EHMT1: variants seen among roughly 807,000 people sequenced by gnomAD.
The protein encoded by EHMT1 is histone-lysine N-methyltransferase EHMT1.
EHMT1 carries 15 observed loss-of-function variants against 147.2 expected under a neutral mutation model. The ratio of observed to expected loss-of-function variants is 0.10; its 90% confidence interval spans 0.07 to 0.16. The LOEUF (loss-of-function observed/expected upper bound fraction) is 0.16, where lower values mean the gene tolerates loss of function less well. Among genes scored for constraint, EHMT1 ranks in the 10% least tolerant of loss-of-function variants. EHMT1 has a pLI of 1.00. For missense variants in EHMT1, 1,587 were observed against 1,772.4 expected, an observed-to-expected ratio of 0.90 and a Z score of 1.88; for synonymous variants, 795 against 709.6, an observed-to-expected ratio of 1.12 and a Z score of -1.91.
intron 2 of EHMT1, among the ~76,000 whole-genome samples, chr9:137,711,590 G>A (rs999752636): frequency 1.3e-5 from 2 of 152,218 alleles, no homozygotes; most frequent in African/African-American, 2.4e-5. Context: ...GAGGTGGAGG[G>A]AGTGGTGTGG....
chr9:137,814,078 C>T (rs1421179151), intron 21 of EHMT1, among the ~76,000 whole-genome samples: 1 of 131,074 alleles, frequency 7.6e-6, no homozygotes, highest in African/African-American at 3.0e-5. Flanking sequence ...CCCCGCCCCC[C>T]GCCCCACAAG....
chr9:137,641,671 TCTGTTC>T (rs1336491269), intron 1 of EHMT1: 1 of 206,632 alleles, frequency 4.8e-6, no homozygotes, highest in Non-Finnish European at 9.7e-6. Flanking sequence ...TGCCGCTTGT[TCTGTTC>T]CTCTCTTCCT....
chr9:137,620,209 A>G (rs1404185169), intron 1 of EHMT1: 1 of 152,208 alleles, frequency 6.6e-6, no homozygotes, highest in African/African-American at 2.4e-5. Context: ...AGGAATTAAT[A>G]TTAGTCACTG....
chr9:137,780,348 T>C (rs1428044465), intron 14 of EHMT1, among the ~76,000 whole-genome samples: 1 of 120,558 alleles, frequency 8.3e-6, no homozygotes, highest in Admixed American at 8.4e-5. Context: ...GTGATGACGC[T>C]GAGACGTGTG....
chr9:137,637,122 C>T (rs1329218972), intron 1 of EHMT1, among the ~76,000 whole-genome samples: 1 of 151,938 alleles, frequency 6.6e-6, no homozygotes, highest in African/African-American at 2.4e-5. Context: ...TGGTCTCGAT[C>T]TCCTGACCTC....
chr9:137,753,383 C>T (rs912968244), intron 7 of EHMT1, among the ~76,000 whole-genome samples: 2 of 152,144 alleles, frequency 1.3e-5, no homozygotes, highest in African/African-American at 4.8e-5. Context: ...TTGGGTGTGG[C>T]GCTTGCTGAA....
chr9:137,788,678 C>T (rs1952216695), intron 15 of EHMT1: 1 of 152,232 alleles, frequency 6.6e-6, no homozygotes, highest in Non-Finnish European at 1.5e-5. Flanking sequence ...GCGGGAGTCG[C>T]TGCGGGCCCA....
At chr9:137,756,285 T>A (rs1331596348) in intron 8 of EHMT1, among the ~76,000 whole-genome samples, 2 of 152,214 alleles carry the variant, frequency 1.3e-5, no homozygotes, top group African/African-American at 2.4e-5. Context: ...TTGAGTTGAT[T>A]TTTCTCCACC....
intron 2 of EHMT1, among the ~76,000 whole-genome samples, chr9:137,716,415 TGTGTTG>T (rs1945274565): frequency 5.8e-5 from 1 of 17,342 alleles, no homozygotes; most frequent in South Asian, 2.2e-3. Context: ...GGGAGGAAGT[TGTGTTG>T]GTGTCATGGT....
chr9:137,646,351 G>A (rs1844881021), intron 1 of EHMT1: 1 of 985,398 alleles, frequency 1.0e-6, no homozygotes, highest in South Asian at 4.7e-5. Flanking sequence ...CCTGGCCTGA[G>A]GAACATTTCA....
chr9:137,677,771 A>G (rs781381944), intron 1 of EHMT1, among the ~76,000 whole-genome samples: 2 of 151,802 alleles, frequency 1.3e-5, no homozygotes, highest in South Asian at 2.1e-4. Context: ...AAAAAATAGT[A>G]TTGTCAGCCG....
chr9:137,767,042 C>T (rs894090869), intron 10 of EHMT1, among the ~76,000 whole-genome samples: 2 of 152,130 alleles, frequency 1.3e-5, no homozygotes, highest in African/African-American at 2.4e-5. Flanking sequence ...AGGCTGGTCT[C>T]GAACTTCTGG....
intron 1 of EHMT1, among the ~76,000 whole-genome samples, chr9:137,639,119 C>A (rs1308418353): frequency 6.6e-6 from 1 of 152,008 alleles, no homozygotes; most frequent in Non-Finnish European, 1.5e-5. Flanking sequence ...CATTTAATTT[C>A]TAAATATTTA....
At chr9:137,700,730 G>A (rs956161643) in intron 1 of EHMT1, among the ~76,000 whole-genome samples, 31 of 152,284 alleles carry the variant, frequency 2.0e-4, no homozygotes, top group African/African-American at 7.2e-4. Flanking sequence ...ATTATAGGCT[G>A]TGACATTGAT....
chr9:137,697,299 G>A (rs1268012017), intron 1 of EHMT1: 1 of 206,512 alleles, frequency 4.8e-6, no homozygotes, highest in African/African-American at 2.4e-5. Flanking sequence ...AACAACCAGT[G>A]CAGAGTTTGA....
intron 18 of EHMT1, among the ~76,000 whole-genome samples, chr9:137,808,307 G>A (rs1371708989): frequency 6.6e-6 from 1 of 152,254 alleles, no homozygotes; most frequent in East Asian, 1.9e-4. Context: ...GAGCATCCGG[G>A]GGCCCTGCCT....
At chr9:137,653,767 G>A (rs1938125352) in intron 1 of EHMT1, among the ~76,000 whole-genome samples, 3 of 152,074 alleles carry the variant, frequency 2.0e-5, no homozygotes, top group African/African-American at 7.2e-5. Flanking sequence ...ACCCTGATCC[G>A]CCTGCCTCGG....
chr9:137,734,294 A>G (rs1009835925), intron 4 of EHMT1, among the ~76,000 whole-genome samples: 1 of 152,256 alleles, frequency 6.6e-6, no homozygotes, highest in African/African-American at 2.4e-5. Context: ...AGAGCTAGAA[A>G]ACGTAAAAAG....
At chr9:137,789,760 A>G (rs1036340595) in intron 15 of EHMT1, among the ~76,000 whole-genome samples, 1 of 152,170 alleles carries the variant, frequency 6.6e-6, no homozygotes, top group Admixed American at 6.5e-5. Flanking sequence ...AACAGAGTTC[A>G]CTTTTGTTGC....
Sources: allele counts gnomAD v4.1 joint callset (sites outside exome capture counted in the v4.1 genomes callset), GRCh38; gene constraint gnomAD v4.1.1; transcripts MANE v1.5; gene names NCBI Gene and HGNC (gene_info 2026-07-23, HGNC 2026-07-21).